The following SOX5 variants were observed in gnomAD, a reference collection of about 807,000 sequenced individuals.
SOX5 encodes the protein SRY-box transcription factor 5, also known as transcription factor SOX-5.
In SOX5, 9 loss-of-function variants were observed where a neutral mutation model predicts 92.0. That is an observed-to-expected ratio of 0.10 (90% CI 0.06 to 0.17). The LOEUF (loss-of-function observed/expected upper bound fraction) is 0.17. Among genes scored for constraint, SOX5 ranks in the 10% least tolerant of loss-of-function variants. The pLI is 1.00. For missense variants in SOX5, 642 were observed against 944.5 expected (o/e 0.68, Z 4.20); for synonymous variants, 344 against 336.3 (o/e 1.02, Z -0.25).
Position 23,878,122 on chromosome 12 carries a change from G to A in SOX5, c.270+17671C>T, listed in dbSNP as rs184807785. Among the ~76,000 whole-genome samples the A allele has an allele frequency of 3.5e-3, 525 of 151,898 alleles. 2 individuals are homozygous for A. Among genetic ancestry groups the A allele is most frequent in the Middle Eastern group, 0.01 (3 of 294 alleles). ...ATGAGTTTTGGCATATACTCTTCACGCTGTTATTTTTAAAGCATGTAATTA... is the reference window on the plus strand; with the variant it reads ...ATGAGTTTTGGCATATACTCTTCACACTGTTATTTTTAAAGCATGTAATTA... On this transcript the variant is annotated intron_variant, in intron 2 of 14. Transcript: ENST00000451604.
Position 23,970,611 on chromosome 12 carries a change from AC to A in SOX5, c.-1-74588del, listed in dbSNP as rs1205954582. Among the ~76,000 whole-genome samples, 4 of 151,268 alleles carry A rather than the reference AC, an allele frequency of 2.6e-5. No homozygotes were observed. The East Asian group carries it at 7.7e-4, about 29-fold the overall frequency. ...TAAAGTTTTCAAAGATTATGTAGTA[AC>A]ATGTATAATTGTTTTTTATGGCTGA... On this transcript the variant is annotated intron_variant, in intron 4 of 4. Transcript: ENST00000446891.
chr12:24,527,084 G>A (rs370815393), intron 1 of SOX5, among the ~76,000 whole-genome samples: 125 of 152,126 alleles, frequency 8.2e-4, no homozygotes, highest in Middle Eastern at 3.4e-3. Flanking sequence ...GAGCCACCAC[G>A]CCCAGCCATA....
chr12:24,247,250 GAA>G (rs56343063), intron 3 of SOX5, among the ~76,000 whole-genome samples: 48 of 151,524 alleles, frequency 3.2e-4, no homozygotes, highest in African/African-American at 1.0e-3. Context: ...ATCGACCAAT[GAA>G]AAAAAAAATG....
chr12:23,897,621 T>G (rs1461506262), intron 1 of SOX5, among the ~76,000 whole-genome samples: 2 of 151,954 alleles, frequency 1.3e-5, no homozygotes, highest in African/African-American at 2.4e-5. Context: ...CCACCCACCC[T>G]CAAAAAACAA....
chr12:24,412,176 G>GT (rs1338910343), intron 1 of SOX5, among the ~76,000 whole-genome samples: 4 of 151,816 alleles, frequency 2.6e-5, no homozygotes, highest in African/African-American at 4.8e-5. Context: ...GATAACTTGT[G>GT]TTTTTTCTGT....
At chr12:24,464,382 G>A (rs571723202) in intron 1 of SOX5, among the ~76,000 whole-genome samples, 71 of 151,282 alleles carry the variant, frequency 4.7e-4, no homozygotes, top group African/African-American at 1.7e-3. Flanking sequence ...AAGTGCAGTG[G>A]CACGATCTCG....
At chr12:24,370,122 T>G (rs1435175375) in intron 1 of SOX5, among the ~76,000 whole-genome samples, 3 of 152,202 alleles carry the variant, frequency 2.0e-5, no homozygotes, top group African/African-American at 7.2e-5. Flanking sequence ...AACTTCTAAA[T>G]ATTATTAGTA....
chr12:24,229,549 T>C (rs1219124078), intron 3 of SOX5, among the ~76,000 whole-genome samples: 1 of 152,208 alleles, frequency 6.6e-6, no homozygotes, highest in East Asian at 1.9e-4. Context: ...GTGCTTTGTT[T>C]TGCAATGTTC....
At chr12:24,326,937 T>G (rs1411881750) in intron 2 of SOX5, among the ~76,000 whole-genome samples, 1 of 152,152 alleles carries the variant, frequency 6.6e-6, no homozygotes, top group African/African-American at 2.4e-5. Flanking sequence ...CTCTTAGAGT[T>G]TAAACTTCAG....
At chr12:24,487,995 C>T (rs1451941108) in intron 1 of SOX5, among the ~76,000 whole-genome samples, 1 of 152,158 alleles carries the variant, frequency 6.6e-6, no homozygotes, top group East Asian at 1.9e-4. Flanking sequence ...ACACCTTTAT[C>T]ACCCAACTGA....
At chr12:23,899,619 A>G (rs975789312) in intron 1 of SOX5, among the ~76,000 whole-genome samples, 2 of 152,190 alleles carry the variant, frequency 1.3e-5, no homozygotes, top group Non-Finnish European at 2.9e-5. Context: ...CTGACATAAG[A>G]CAGACAAATA....
intron 4 of SOX5, among the ~76,000 whole-genome samples, chr12:24,024,891 C>T (rs1954707128): frequency 2.0e-5 from 3 of 151,956 alleles, no homozygotes; most frequent in Admixed American, 2.0e-4. Context: ...TAATTCACAT[C>T]AAACTTCTCT....
chr12:24,336,473 T>C (rs1565932106), intron 2 of SOX5, among the ~76,000 whole-genome samples: 1 of 152,090 alleles, frequency 6.6e-6, no homozygotes, highest in Non-Finnish European at 1.5e-5. Flanking sequence ...GTTTTGAGAT[T>C]GGGGGAAAGA....
chr12:24,411,263 GAC>G (rs1365288687), intron 1 of SOX5, among the ~76,000 whole-genome samples: 1 of 151,614 alleles, frequency 6.6e-6, no homozygotes, highest in Non-Finnish European at 1.5e-5. Context: ...GAAAAATAGG[GAC>G]AGTTTTATTT....
chr12:23,884,729 A>G (rs2137253047), intron 2 of SOX5, among the ~76,000 whole-genome samples: 1 of 152,320 alleles, frequency 6.6e-6, no homozygotes, highest in South Asian at 2.1e-4. Flanking sequence ...TTTATTAGGC[A>G]AGTCATTTTA....
At position 23,742,295 on chromosome 12, in the gene SOX5, T is replaced by C. The variant is rs989598590; in HGVS notation, c.569-1256A>G. On this transcript the variant is annotated intron_variant, in intron 4 of 14. Transcript: ENST00000451604. ...GTTCTAACATATTTTACATATAGCA[T>C]AGAGAAGAAATATTCAGAAAAGAAA... Among the ~76,000 whole-genome samples, 6 of 152,174 alleles carry C rather than the reference T, an allele frequency of 3.9e-5. No homozygotes were observed. In the East Asian group the frequency reaches 5.8e-4, roughly 15 times the overall value.
At chr12:24,471,764 G>C (rs1944846495) in intron 1 of SOX5, among the ~76,000 whole-genome samples, 1 of 151,822 alleles carries the variant, frequency 6.6e-6, no homozygotes, top group African/African-American at 2.4e-5. Flanking sequence ...CCAATTAAAT[G>C]AAAATGGTGT....
chr12:23,930,781 C>T (rs776774638), intron 1 of SOX5, among the ~76,000 whole-genome samples: 33 of 151,790 alleles, frequency 2.2e-4, no homozygotes, highest in Non-Finnish European at 4.6e-4. Flanking sequence ...GAACCAGACT[C>T]ATAAACTATG....
chr12:24,218,912 A>C (rs1308428967), intron 3 of SOX5, among the ~76,000 whole-genome samples: 1 of 152,112 alleles, frequency 6.6e-6, no homozygotes, highest in African/African-American at 2.4e-5. Context: ...CAAGTATTGT[A>C]ATACAATCCA....
Sources: allele counts gnomAD v4.1 joint callset (sites outside exome capture counted in the v4.1 genomes callset), GRCh38; gene constraint gnomAD v4.1.1; transcripts MANE v1.5; gene names NCBI Gene and HGNC (gene_info 2026-07-23, HGNC 2026-07-21).